The following ZNF831 variants were observed in gnomAD, a reference collection of about 807,000 sequenced individuals.
The protein encoded by ZNF831 is zinc finger protein 831.
A neutral mutation model predicts 95.8 loss-of-function variants in ZNF831; 59 were observed. That is an observed-to-expected ratio of 0.62 (90% CI 0.50 to 0.77). The LOEUF (loss-of-function observed/expected upper bound fraction) is 0.77, where lower values mean the gene tolerates loss of function less well. Among genes scored for constraint, ZNF831 ranks in the 30% least tolerant of loss-of-function variants. The pLI is 0.00. For synonymous variants in ZNF831, 961 were observed against 925.5 expected (o/e 1.04, Z -0.70); for missense variants, 2,205 against 2,164.0 (o/e 1.02, Z -0.38).
intron 4 of ZNF831, among the ~76,000 whole-genome samples, chr20:59,225,298 C>T (rs563506444): frequency 2.4e-4 from 37 of 152,146 alleles, no homozygotes; most frequent in Non-Finnish European, 3.8e-4. Context: ...TTCCCAATCT[C>T]GCCTTGGATT....
intron 3 of ZNF831, among the ~76,000 whole-genome samples, chr20:59,204,412 T>C (rs1225748015): frequency 6.6e-6 from 1 of 152,208 alleles, no homozygotes; most frequent in Non-Finnish European, 1.5e-5. Flanking sequence ...CCCCACCACA[T>C]GTGGCTGAGA....
At chr20:59,224,639 C>G (rs1986317793) in intron 4 of ZNF831, among the ~76,000 whole-genome samples, 1 of 152,210 alleles carries the variant, frequency 6.6e-6, no homozygotes, top group African/African-American at 2.4e-5. Flanking sequence ...CAGGCACATT[C>G]CTCTGACTTT....
chr20:59,194,501 GCCACAGCACCCGCAGTCC>G lies in ZNF831; in HGVS notation c.3494_3511del (p.Arg1165_Thr1170del), dbSNP rs750171867. 6 of 1,611,472 alleles carry G rather than the reference GCCACAGCACCCGCAGTCC, an allele frequency of 3.7e-6. No homozygotes were observed. Among genetic ancestry groups the G allele is most frequent in the East Asian group, 4.5e-5 (2 of 44,872 alleles). ...TCTTCCCACTCAGGGACGTCCCGGA[GCCACAGCACCCGCAGTCC>G]CCACAGCACCCAAAACCCCTTTCCC... On this transcript the variant is annotated inframe_deletion, in exon 2 of 6. Transcript: ENST00000371030.
intron 3 of ZNF831, among the ~76,000 whole-genome samples, chr20:59,205,363 A>G (rs1984818672): frequency 6.6e-6 from 1 of 152,124 alleles, no homozygotes; most frequent in Non-Finnish European, 1.5e-5. Flanking sequence ...CAACTGCTTC[A>G]AAGAACAAAC....
rs374893612 is a variant in ZNF831, at chr20:59,194,561, C to T, written c.3542C>T (p.Pro1181Leu). The T allele has an allele frequency of 1.8e-5, 29 of 1,606,170 alleles. No individual in the cohort carries two copies. The Middle Eastern group carries it at 5.0e-4, about 27-fold the overall frequency. The change falls in exon 2 of 6, where the codon CCG becomes CTG. Residue 1181 changes from proline (P) to leucine (L), a missense_variant. By Grantham distance (98) the Pro-to-Leu change is moderately conservative. Transcript: ENST00000371030. The stretch of plus-strand genomic sequence containing the variant: ...CCCTTTCCCTCACTGAAGGCTGAGC[C>T]GCGGCTCACGTGGTGTTGCCTGAGC... ...QNPFPSLKAE[P>L]RLTWCCLSRS...
At position 59,191,475 on chromosome 20, in the gene ZNF831, C is replaced by T. The variant is rs750931611; in HGVS notation, c.456C>T (p.Asp152=). The T allele has an allele frequency of 6.2e-7, 1 of 1,612,974 alleles. No homozygotes were observed. Among genetic ancestry groups the T allele is most frequent in the Non-Finnish European group, 8.5e-7 (1 of 1,180,006 alleles). The change falls in exon 2 of 6, where the codon GAC becomes GAT. Residue 152 remains aspartate, a synonymous_variant. Coordinates refer to ENST00000371030, the MANE Select transcript of ZNF831 (RefSeq NM_178457.3). ...GKYLCPHCGR[D]CLKPSVLEKH... The stretch of plus-strand genomic sequence containing the variant: ...ACCTGTGTCCGCACTGTGGTCGCGA[C>T]TGCCTGAAGCCCAGTGTTCTAGAGA...
At chr20:59,166,244 T>C (rs946592163) in intron 1 of ZNF831, among the ~76,000 whole-genome samples, 1 of 152,216 alleles carries the variant, frequency 6.6e-6, no homozygotes, top group African/African-American at 2.4e-5. Flanking sequence ...GCTGTGGTAC[T>C]CGTGGCTAGG....
intron 4 of ZNF831, among the ~76,000 whole-genome samples, chr20:59,250,149 A>C (rs1987810756): frequency 1.3e-5 from 2 of 152,198 alleles, no homozygotes; most frequent in Non-Finnish European, 2.9e-5. Flanking sequence ...CTTGGAGAAG[A>C]CTAGGGGCTT....
At chr20:59,132,761 G>A (rs1179775167) in intron 1 of ZNF831, among the ~76,000 whole-genome samples, 1 of 152,182 alleles carries the variant, frequency 6.6e-6, no homozygotes, top group East Asian at 1.9e-4. Flanking sequence ...TTCATCTCAA[G>A]CACCCCTCAG....
At chr20:59,151,296 C>T (rs1270361180) in intron 2 of ZNF831, among the ~76,000 whole-genome samples, 3 of 152,172 alleles carry the variant, frequency 2.0e-5, no homozygotes, top group African/African-American at 7.2e-5. Context: ...CCTGAGGCTC[C>T]AGCACCCATC....
chr20:59,148,728 CAG>C (rs1296175340), intron 2 of ZNF831, among the ~76,000 whole-genome samples: 2 of 80,054 alleles, frequency 2.5e-5, no homozygotes, highest in Non-Finnish European at 5.0e-5. Context: ...AAAAAAAGAA[CAG>C]AGCGTGAGAG....
At chr20:59,145,877 CCCT>C (rs1052490005) in intron 1 of ZNF831, among the ~76,000 whole-genome samples, 3 of 152,116 alleles carry the variant, frequency 2.0e-5, no homozygotes, top group African/African-American at 7.2e-5. Flanking sequence ...CCCACCCTCA[CCCT>C]CCTCCTCCTC....
intron 1 of ZNF831, among the ~76,000 whole-genome samples, chr20:59,175,432 T>A (rs259980): frequency 0.085 from 12,868 of 151,936 alleles, 1,168 homozygotes; most frequent in African/African-American, 0.23. Flanking sequence ...TTATTTTTTT[T>A]AATTTTCATC....
chr20:59,129,789 G>A (rs1411689939), intron 1 of ZNF831, among the ~76,000 whole-genome samples: 3 of 152,168 alleles, frequency 2.0e-5, no homozygotes, highest in African/African-American at 4.8e-5. Context: ...TGACTCACAC[G>A]GTGTGCAGGA....
chr20:59,183,649 T>A (rs1391513367), intron 1 of ZNF831, among the ~76,000 whole-genome samples: 2 of 152,236 alleles, frequency 1.3e-5, no homozygotes, highest in Admixed American at 1.3e-4. Flanking sequence ...GGTTTATACC[T>A]TGCATTTCTT....
At chr20:59,224,392 T>TG (rs143355659) in intron 4 of ZNF831, among the ~76,000 whole-genome samples, 5,201 of 151,964 alleles carry the variant, frequency 0.034, 298 homozygotes, top group African/African-American at 0.12. Context: ...GAGCACTGGG[T>TG]GGGGGGGCGC....
intron 4 of ZNF831, among the ~76,000 whole-genome samples, chr20:59,228,933 C>G (rs576509770): frequency 6.6e-6 from 1 of 151,998 alleles, no homozygotes; most frequent in South Asian, 2.1e-4. Flanking sequence ...ATTTTTTGTA[C>G]GCCTTCACAA....
chr20:59,231,521 A>G (rs769666991), intron 4 of ZNF831, among the ~76,000 whole-genome samples: 23 of 152,224 alleles, frequency 1.5e-4, no homozygotes, highest in Non-Finnish European at 2.9e-4. Context: ...CAAGTTAAAA[A>G]AAAATGACAG....
chr20:59,253,863 C>CG (rs759121409), intron 5 of ZNF831, 35 bp from the exon 6 acceptor site: 3 of 1,096,050 alleles, frequency 2.7e-6, no homozygotes, highest in Admixed American at 2.4e-5. Context: ...TTAACCTCCC[C>CG]CCCCACTTTT....
Sources: gnomAD v4.1 joint callset for allele counts (sites outside exome capture counted in the v4.1 genomes callset) on GRCh38, gnomAD v4.1.1 for gene constraint, MANE v1.5 for transcripts, NCBI Gene and HGNC (gene_info 2026-07-23, HGNC 2026-07-21) for gene names.